The following RGS12 variants were observed in gnomAD, a reference collection of about 807,000 sequenced individuals.
RGS12 encodes regulator of G protein signaling 12.
RGS12 carries 66 observed loss-of-function variants against 120.1 expected under a neutral mutation model. The ratio of observed to expected loss-of-function variants is 0.55; its 90% CI spans 0.45 to 0.67. The LOEUF is 0.67. RGS12 is among the 30% of genes least tolerant of loss of function. The pLI, the probability that RGS12 is intolerant of heterozygous loss-of-function variation, is 0.00. For missense variants in RGS12, 1,859 were observed against 1,957.7 expected (o/e 0.95, Z 0.95); for synonymous variants, 827 against 804.7 (o/e 1.03, Z -0.47).
At chr4:3,393,570 C>A (rs1483250100) in intron 4 of RGS12, among the ~76,000 whole-genome samples, 12 of 152,150 alleles carry the variant, frequency 7.9e-5, no homozygotes, top group African/African-American at 2.7e-4. Context: ...ACAGGGCTCA[C>A]CTTATTAATT....
intron 3 of RGS12, among the ~76,000 whole-genome samples, chr4:3,352,043 C>CA (rs1341157301): frequency 6.6e-6 from 1 of 151,888 alleles, no homozygotes; most frequent in Admixed American, 6.6e-5. Flanking sequence ...CAAAATAAAA[C>CA]AAAAAATAAG....
intron 14 of RGS12, among the ~76,000 whole-genome samples, chr4:3,427,104 C>T (rs145521787): frequency 6.6e-6 from 1 of 152,334 alleles, no homozygotes; most frequent in Non-Finnish European, 1.5e-5. Context: ...GAGCAGAGAC[C>T]CTTCCCCGAG....
At chr4:3,431,091 G>A (rs1232748094) in intron 17 of RGS12, 136 bp downstream of exon 17, 1 of 1,450,336 alleles carries the variant, frequency 6.9e-7, no homozygotes, top group African/African-American at 1.4e-5. Flanking sequence ...CCTGCTGGTT[G>A]GGGGCTTCCT....
chr4:3,340,452 G>C (rs118170475), intron 2 of RGS12, among the ~76,000 whole-genome samples: 1 of 152,224 alleles, frequency 6.6e-6, no homozygotes, highest in Non-Finnish European at 1.5e-5. Context: ...GGGTTGAGGG[G>C]TCAGGGGAGG....
At chr4:3,286,139 A>AGG in the RGS12 span, among the ~76,000 whole-genome samples, 1 of 152,240 alleles carries the variant, frequency 6.6e-6, no homozygotes, top group Non-Finnish European at 1.5e-5. Flanking sequence ...AGGCCACCAC[A>AGG]GGGAGGGTCA....
intron 2 of RGS12, among the ~76,000 whole-genome samples, chr4:3,333,887 T>C (rs1712160431): frequency 6.6e-6 from 1 of 152,266 alleles, no homozygotes; most frequent in East Asian, 1.9e-4. Flanking sequence ...TTGATATCTT[T>C]AGGAGATCAA....
At chr4:3,425,593 G>A (rs1723525660) in intron 14 of RGS12, 33 bp downstream of exon 14, 1 of 1,565,572 alleles carries the variant, frequency 6.4e-7, no homozygotes, top group Non-Finnish European at 8.7e-7. Context: ...ATGGGGAGAG[G>A]GTGAGTGGGT....
intron 17 of RGS12, among the ~76,000 whole-genome samples, chr4:3,434,854 G>C (rs1689335870): frequency 6.6e-6 from 1 of 152,256 alleles, no homozygotes; most frequent in Admixed American, 6.5e-5. Flanking sequence ...CTGGCTGCAA[G>C]GCGACAGTCA....
At chr4:3,362,524 G>C (rs1055018245) in intron 3 of RGS12, among the ~76,000 whole-genome samples, 9 of 142,980 alleles carry the variant, frequency 6.3e-5, no homozygotes, top group African/African-American at 2.5e-4. Context: ...GTGTGTGTGA[G>C]GGTGTGTTGT....
intron 2 of RGS12, among the ~76,000 whole-genome samples, chr4:3,325,657 G>C (rs1438989576): frequency 6.6e-6 from 1 of 152,176 alleles, no homozygotes; most frequent in South Asian, 2.1e-4. Context: ...TCCAGAAAAT[G>C]GAGGATGAGG....
chr4:3,408,390 G>A (rs1721380704), intron 4 of RGS12, among the ~76,000 whole-genome samples: 1 of 152,174 alleles, frequency 6.6e-6, no homozygotes, highest in Non-Finnish European at 1.5e-5. Flanking sequence ...CGTGTGTGTT[G>A]AGCCACGTAG....
chr4:3,437,122 G>A (rs981508516), intron 17 of RGS12, among the ~76,000 whole-genome samples: 1 of 152,186 alleles, frequency 6.6e-6, no homozygotes, highest in Non-Finnish European at 1.5e-5. Flanking sequence ...TGGTGAGGCA[G>A]CGTGCTGCTC....
intron 1 of RGS12, among the ~76,000 whole-genome samples, chr4:3,293,342 G>T (rs1440601230): frequency 4.0e-4 from 59 of 145,742 alleles, no homozygotes; most frequent in Non-Finnish European, 6.9e-4. Context: ...CGGGCGGCGC[G>T]GGGCGCGGGC....
intron 1 of RGS12, among the ~76,000 whole-genome samples, chr4:3,302,759 G>A (rs1270223614): frequency 1.3e-5 from 2 of 152,210 alleles, no homozygotes; most frequent in African/African-American, 4.8e-5. Flanking sequence ...CCTAGAGGCT[G>A]GGGGTGTTGG....
At chr4:3,286,560 C>T in the RGS12 span, among the ~76,000 whole-genome samples, 8,489 of 152,322 alleles carry the variant, frequency 0.056, 407 homozygotes, top group African/African-American at 0.13. Context: ...CCTGCTCCCC[C>T]GGCCTCCTGG....
intron 3 of RGS12, among the ~76,000 whole-genome samples, chr4:3,363,488 T>G (rs1012469421): frequency 6.6e-6 from 1 of 151,262 alleles, no homozygotes; most frequent in Non-Finnish European, 1.5e-5. Flanking sequence ...CCGCGGGGCC[T>G]GAACTGCTGC....
In RGS12 at chr4:3,417,518, G is replaced by GCACCGGGA. The variant is rs773193255; in HGVS notation, c.2738_2739insCACCGGGA (p.Arg913SerfsTer120). On this transcript the variant is annotated frameshift_variant, in exon 9 of 18. Coordinates refer to ENST00000336727, the MANE Select transcript of RGS12 (RefSeq NM_001394154.1). LOFTEE classifies it high-confidence loss of function. ...AGCACCGGGAGGTCCCAGAAAAAGA[G>GCACCGGGA]GGAGCACGGGGACCACGCAGACGGT... 1 of 1,613,108 alleles carries GCACCGGGA rather than the reference G, an allele frequency of 6.2e-7. No homozygotes were observed. Among genetic ancestry groups the GCACCGGGA allele is most frequent in the South Asian group, 1.1e-5 (1 of 91,074 alleles).
At chr4:3,420,498 C>T (rs568432169) in intron 9 of RGS12, 144 bp from the exon 10 acceptor site, 26 of 739,172 alleles carry the variant, frequency 3.5e-5, no homozygotes, top group East Asian at 1.9e-4. Flanking sequence ...CCACCAGAGA[C>T]GGCAAAGTGA....
In RGS12 at chr4:3,408,851, C is replaced by T. The variant is rs1196664213; in HGVS notation, c.2021-5221C>T. On this transcript the variant is annotated intron_variant, in intron 4 of 17. Coordinates refer to ENST00000336727, the MANE Select transcript of RGS12 (RefSeq NM_001394154.1). ...GGCCCCCGCTTGCTGTGGCCTCACA[C>T]TGGGAGGAATTACTGGAGCACAATT... 2.0e-5 allele frequency among the ~76,000 whole-genome samples: 3 copies of T among 152,314 alleles called. 1 individual carries two copies. Among genetic ancestry groups the T allele is most frequent in the Non-Finnish European group, 1.5e-5 (1 of 68,030 alleles).
Sources: gnomAD v4.1 joint callset for allele counts (sites outside exome capture counted in the v4.1 genomes callset) on GRCh38, gnomAD v4.1.1 for gene constraint, MANE v1.5 for transcripts, NCBI Gene and HGNC (gene_info 2026-07-23, HGNC 2026-07-21) for gene names.